The following CDH13 variants were observed in gnomAD, a reference collection of about 807,000 sequenced individuals.
The protein encoded by CDH13 is cadherin 13, also known as cadherin-13.
In CDH13, 24 loss-of-function variants were observed where a neutral mutation model predicts 63.8. The observed-to-expected ratio is 0.38, with a 90% CI of 0.27 to 0.53. CDH13 has a LOEUF of 0.53. CDH13 is among the 20% of genes least tolerant of loss of function. The pLI is 0.85. For missense variants in CDH13, 1,049 were observed against 903.1 expected (o/e 1.16, Z -2.07); for synonymous variants, 503 against 355.3 (o/e 1.42, Z -4.67).
At chr16:83,331,679 A>G (rs999664748) in intron 5 of CDH13, among the ~76,000 whole-genome samples, 1 of 152,212 alleles carries the variant, frequency 6.6e-6, no homozygotes, top group African/African-American at 2.4e-5. Context: ...CATAATCTTG[A>G]TAGTGGAATG....
intron 4 of CDH13, among the ~76,000 whole-genome samples, chr16:83,152,310 G>A (rs1202883867): frequency 6.6e-6 from 1 of 152,106 alleles, no homozygotes; most frequent in African/African-American, 2.4e-5. Flanking sequence ...GGTGGATGTG[G>A]ACTACTATGC....
intron 5 of CDH13, among the ~76,000 whole-genome samples, chr16:83,298,711 C>A (rs748174363): frequency 1.3e-5 from 2 of 152,122 alleles, no homozygotes; most frequent in South Asian, 2.1e-4. Flanking sequence ...TTGGAAAGGC[C>A]TAAGGTTGAG....
chr16:82,909,405 G>A (rs1484359916), intron 2 of CDH13, among the ~76,000 whole-genome samples: 1 of 152,102 alleles, frequency 6.6e-6, no homozygotes, highest in Non-Finnish European at 1.5e-5. Context: ...GAATTTTTCT[G>A]AAATTTGTGT....
chr16:83,591,286 T>TG (rs1906719867), intron 7 of CDH13, among the ~76,000 whole-genome samples: 1 of 152,228 alleles, frequency 6.6e-6, no homozygotes, highest in Non-Finnish European at 1.5e-5. Flanking sequence ...AATGTTGCTA[T>TG]GTCAGGGCCC....
Position 83,508,099 on chromosome 16 carries a change from A to AAGGAAGGAAGGAAGGAAGGAAGGAAG in CDH13, c.960+21444_960+21445insAGGAAGGAAGGAAGGAAGGAAGGAAG, listed in dbSNP as rs1491205296. Among the ~76,000 whole-genome samples the AAGGAAGGAAGGAAGGAAGGAAGGAAG allele has an allele frequency of 6.6e-3, 395 of 59,778 alleles. 25 individuals carry two copies. Among genetic ancestry groups the AAGGAAGGAAGGAAGGAAGGAAGGAAG allele is most frequent in the Middle Eastern group, 0.013 (1 of 80 alleles). 39.2% of individuals were successfully genotyped at this position (59,778 alleles called of 152,430 possible). On this transcript the variant is annotated intron_variant, in intron 7 of 13. Transcript: ENST00000567109. Reference sequence around the variant, plus strand: ...AGGAAGGAAGGAAGGAAGGAAGGAAAGAAGGAAGGAAAAGGAAGGAAGGGA... The same window carrying AAGGAAGGAAGGAAGGAAGGAAGGAAG: ...AGGAAGGAAGGAAGGAAGGAAGGAAAAGGAAGGAAGGAAGGAAGGAAGGAAGGAAGGAAGGAAAAGGAAGGAAGGGA...
intron 10 of CDH13, among the ~76,000 whole-genome samples, chr16:83,715,664 C>T (rs1391240875): frequency 6.7e-6 from 1 of 149,114 alleles, no homozygotes; most frequent in Admixed American, 6.7e-5. Flanking sequence ...GACAGGCAGG[C>T]GGGTCCCTCA....
At chr16:83,532,034 C>T (rs547390754) in intron 7 of CDH13, among the ~76,000 whole-genome samples, 6 of 152,128 alleles carry the variant, frequency 3.9e-5, no homozygotes, top group African/African-American at 1.4e-4. Flanking sequence ...CTGTGCTATG[C>T]TTGTGATAGT....
At chr16:83,386,730 C>T (rs2091681883) in intron 6 of CDH13, among the ~76,000 whole-genome samples, 1 of 152,116 alleles carries the variant, frequency 6.6e-6, no homozygotes, top group African/African-American at 2.4e-5. Flanking sequence ...AAAATCTAAC[C>T]ATGGTGGCTT....
chr16:83,114,359 C>A (rs1261925490), intron 3 of CDH13, among the ~76,000 whole-genome samples: 1 of 152,104 alleles, frequency 6.6e-6, no homozygotes, highest in Non-Finnish European at 1.5e-5. Flanking sequence ...GTGACTTGCA[C>A]CCATTTCTAA....
At chr16:82,840,252 A>C (rs2151130147) in intron 1 of CDH13, among the ~76,000 whole-genome samples, 1 of 152,114 alleles carries the variant, frequency 6.6e-6, no homozygotes, top group Middle Eastern at 3.4e-3. Flanking sequence ...ATGTTTTGAT[A>C]CTGTGGTGAA....
intron 1 of CDH13, among the ~76,000 whole-genome samples, chr16:82,738,923 C>A (rs1597445567): frequency 6.6e-6 from 1 of 152,196 alleles, no homozygotes; most frequent in African/African-American, 2.4e-5. Context: ...CTTTTGTGTT[C>A]CCTGTGCCTC....
intron 7 of CDH13, among the ~76,000 whole-genome samples, chr16:83,570,259 G>A (rs1165979814): frequency 3.9e-5 from 6 of 152,160 alleles, no homozygotes; most frequent in East Asian, 1.9e-4. Flanking sequence ...TTACCTTGGT[G>A]GCCACAAAAC....
At chr16:83,432,449 G>A (rs1300778132) in intron 6 of CDH13, among the ~76,000 whole-genome samples, 1 of 152,186 alleles carries the variant, frequency 6.6e-6, no homozygotes, top group Non-Finnish European at 1.5e-5. Flanking sequence ...AAGTGGCAGA[G>A]TGGGGACCTA....
chr16:82,764,379 A>C (rs767993716), intron 1 of CDH13, among the ~76,000 whole-genome samples: 1 of 152,276 alleles, frequency 6.6e-6, no homozygotes, highest in Middle Eastern at 3.4e-3. Flanking sequence ...CTACTCTCTG[A>C]GGAGGATTCT....
At chr16:82,858,563 C>G (rs761852534) in intron 2 of CDH13, 90 bp downstream of exon 2, 78 of 866,436 alleles carry the variant, frequency 9.0e-5, no homozygotes, top group African/African-American at 1.8e-4. Flanking sequence ...GTGGTATTTC[C>G]TAAACTAAGT....
chr16:82,659,643 A>G (rs1911702740), intron 1 of CDH13, among the ~76,000 whole-genome samples: 1 of 152,162 alleles, frequency 6.6e-6, no homozygotes, highest in Non-Finnish European at 1.5e-5. Flanking sequence ...GAACCCACCC[A>G]CAGGCCAGGT....
chr16:82,795,333 C>A (rs1376139052), intron 1 of CDH13, among the ~76,000 whole-genome samples: 1 of 152,178 alleles, frequency 6.6e-6, no homozygotes, highest in African/African-American at 2.4e-5. Context: ...AATACAGAGA[C>A]CACATTCTGC....
intron 11 of CDH13, among the ~76,000 whole-genome samples, chr16:83,763,463 A>C (rs960276173): frequency 9.9e-5 from 15 of 152,082 alleles, no homozygotes; most frequent in African/African-American, 3.4e-4. Context: ...TGAACTACTG[A>C]ATTTATAGCC....
At chr16:83,224,841 T>A (rs2039795838) in intron 5 of CDH13, among the ~76,000 whole-genome samples, 2 of 152,334 alleles carry the variant, frequency 1.3e-5, no homozygotes, top group South Asian at 4.1e-4. Context: ...GCCCAGTCAC[T>A]TAGTAAGTGT....
Sources: allele counts gnomAD v4.1 joint callset (sites outside exome capture counted in the v4.1 genomes callset), GRCh38; gene constraint gnomAD v4.1.1; transcripts MANE v1.5; gene names NCBI Gene and HGNC (gene_info 2026-07-23, HGNC 2026-07-21).